RANBP2: variants seen among roughly 807,000 people sequenced by gnomAD.
RANBP2 encodes E3 SUMO-protein ligase RanBP2.
Under a neutral mutation model 303.6 loss-of-function variants are expected in RANBP2, and 57 were observed. That is an observed-to-expected ratio of 0.19 (90% CI 0.15 to 0.23). The LOEUF (loss-of-function observed/expected upper bound fraction) is 0.23, where lower values mean the gene tolerates loss of function less well. RANBP2 is among the 10% of genes least tolerant of loss of function. RANBP2 has a pLI of 1.00. For missense variants in RANBP2, 3,138 were observed against 3,780.8 expected, an observed-to-expected ratio of 0.83 and a Z score of 4.46; for synonymous variants, 1,167 against 1,301.5, an observed-to-expected ratio of 0.90 and a Z score of 2.23.
the RANBP2 span, among the ~76,000 whole-genome samples, chr2:109,230,878 C>T: frequency 6.6e-6 from 1 of 152,196 alleles, no homozygotes; most frequent in Admixed American, 6.5e-5. Flanking sequence ...ATAGGACTCC[C>T]TTTGGGGGCT....
chr2:108,805,674 C>T, the RANBP2 span, among the ~76,000 whole-genome samples: 1 of 152,008 alleles, frequency 6.6e-6, no homozygotes, highest in Non-Finnish European at 1.5e-5. Context: ...TTGCAGTGAG[C>T]CGAGATTGTG....
At chr2:109,724,604 A>T in the RANBP2 span, among the ~76,000 whole-genome samples, 1 of 152,122 alleles carries the variant, frequency 6.6e-6, no homozygotes, top group Non-Finnish European at 1.5e-5. Context: ...GCCAAACCCC[A>T]AGGGTGCGCC....
chr2:109,233,863 A>G, the RANBP2 span, among the ~76,000 whole-genome samples: 2 of 152,168 alleles, frequency 1.3e-5, no homozygotes, highest in Non-Finnish European at 2.9e-5. Flanking sequence ...ATTGGTCTGC[A>G]TTGTTTTGTC....
At chr2:109,685,537 ACAG>A in the RANBP2 span, among the ~76,000 whole-genome samples, 3 of 152,206 alleles carry the variant, frequency 2.0e-5, no homozygotes, top group African/African-American at 7.2e-5. Flanking sequence ...CATCCTGTGC[ACAG>A]CATTCTGCTG....
At chr2:109,643,195 A>C in the RANBP2 span, among the ~76,000 whole-genome samples, 1 of 57,054 alleles carries the variant, frequency 1.8e-5, no homozygotes, top group Non-Finnish European at 5.9e-5. Context: ...TTTCAAAAGA[A>C]AAAAAAAAAA....
the RANBP2 span, among the ~76,000 whole-genome samples, chr2:109,045,492 G>C: frequency 1.3e-5 from 2 of 152,184 alleles, no homozygotes; most frequent in Non-Finnish European, 2.9e-5. Flanking sequence ...GAAGAGACTG[G>C]AGGGTTAGGA....
the RANBP2 span, among the ~76,000 whole-genome samples, chr2:109,678,598 G>C: frequency 6.6e-6 from 1 of 152,230 alleles, no homozygotes; most frequent in African/African-American, 2.4e-5. Flanking sequence ...ATATACTTAA[G>C]TTCCTTGAAA....
At chr2:109,581,528 GA>G in the RANBP2 span, among the ~76,000 whole-genome samples, 679 of 145,612 alleles carry the variant, frequency 4.7e-3, 5 homozygotes, top group Non-Finnish European at 6.6e-3. Context: ...AAAGGTCTGG[GA>G]AAAAAAAAAA....
the RANBP2 span, among the ~76,000 whole-genome samples, chr2:109,506,768 C>T: frequency 6.6e-6 from 1 of 152,196 alleles, no homozygotes; most frequent in Admixed American, 6.5e-5. Context: ...TTGAATGTAG[C>T]AGAAATACTA....
chr2:109,251,411 G>C, the RANBP2 span: 261 of 698,570 alleles, frequency 3.7e-4, no homozygotes, highest in Non-Finnish European at 6.2e-4. Context: ...TGAGTGCATG[G>C]AGTAGACACC....
At chr2:108,772,013 T>A in intron 21 of RANBP2, 142 bp downstream of exon 21, 1 of 1,103,276 alleles carries the variant, frequency 9.1e-7, no homozygotes, top group Non-Finnish European at 1.3e-6. Flanking sequence ...AATGTATGTG[T>A]AAATGGTCAA....
the RANBP2 span, chr2:108,882,176 AGATTACT>A: frequency 1.1e-4 from 17 of 152,630 alleles, no homozygotes; most frequent in African/African-American, 4.1e-4. Context: ...AAGAAAAAAT[AGATTACT>A]GATTACAGAT....
chr2:108,972,859 T>G, the RANBP2 span, among the ~76,000 whole-genome samples: 1,502 of 152,364 alleles, frequency 9.9e-3, 25 homozygotes, highest in African/African-American at 0.035. Flanking sequence ...TTCTCCTCTT[T>G]GCCTTCTTGA....
chr2:108,736,388 A>G, intron 6 of RANBP2, 139 bp downstream of exon 6: 2 of 1,509,024 alleles, frequency 1.3e-6, no homozygotes, highest in Non-Finnish European at 1.8e-6. Flanking sequence ...GTGAACAACT[A>G]GGAGGCAATC....
the RANBP2 span, among the ~76,000 whole-genome samples, chr2:109,431,321 T>C: frequency 1.3e-5 from 2 of 152,234 alleles, no homozygotes; most frequent in African/African-American, 4.8e-5. Context: ...CTTAGTGAAC[T>C]GAGGCCTCCA....
the RANBP2 span, among the ~76,000 whole-genome samples, chr2:109,118,181 A>G: frequency 7.9e-3 from 1,200 of 152,288 alleles, 11 homozygotes; most frequent in East Asian, 0.037. Flanking sequence ...TGGCAGATGC[A>G]TGAGCAAAAT....
chr2:109,240,825 T>C, the RANBP2 span, among the ~76,000 whole-genome samples: 1 of 152,074 alleles, frequency 6.6e-6, no homozygotes, highest in Non-Finnish European at 1.5e-5. Context: ...TACTTCTTCC[T>C]ACTGGACTCC....
At chr2:109,799,247 A>G in the RANBP2 span, among the ~76,000 whole-genome samples, 1 of 138,328 alleles carries the variant, frequency 7.2e-6, no homozygotes, top group Non-Finnish European at 1.5e-5. Flanking sequence ...CAAAAAAAAA[A>G]AAAAAAAAGG....
the RANBP2 span, among the ~76,000 whole-genome samples, chr2:108,898,187 T>TG: frequency 6.6e-6 from 1 of 152,062 alleles, no homozygotes; most frequent in Non-Finnish European, 1.5e-5. Context: ...AAAGGCTGAG[T>TG]GGGGAGCCTA....
Sources: gnomAD v4.1 joint callset for allele counts (sites outside exome capture counted in the v4.1 genomes callset) on GRCh38, gnomAD v4.1.1 for gene constraint, MANE v1.5 for transcripts, NCBI Gene and HGNC (gene_info 2026-07-23, HGNC 2026-07-21) for gene names.